Variants in AK4 observed in about 807,000 individuals in gnomAD.
The protein encoded by AK4 is adenylate kinase 4.
A neutral mutation model predicts 24.6 loss-of-function variants in AK4; 13 were observed. That is an observed-to-expected ratio of 0.53 (90% CI 0.34 to 0.84). The LOEUF (loss-of-function observed/expected upper bound fraction) is 0.84. Ranked by LOEUF, AK4 falls within the 40% of genes least tolerant of loss-of-function variation. The probability of loss-of-function intolerance (pLI) is 0.01; values close to 1 mark genes in which losing one functional copy is unlikely to be tolerated. For synonymous variants in AK4, 88 were observed against 107.0 expected (o/e 0.82, Z 1.10); for missense variants, 192 against 288.2 (o/e 0.67, Z 2.42).
At chr1:65,165,193 C>T (rs1650287556) in intron 1 of AK4, among the ~76,000 whole-genome samples, 1 of 152,096 alleles carries the variant, frequency 6.6e-6, no homozygotes, top group African/African-American at 2.4e-5. Context: ...TTATTAAGTT[C>T]ATTTAAAAAA....
intron 2 of AK4, among the ~76,000 whole-genome samples, chr1:65,210,259 C>G (rs1651930616): frequency 6.6e-6 from 1 of 152,188 alleles, no homozygotes; most frequent in South Asian, 2.1e-4. Context: ...CCCAGGGCCT[C>G]TGTGACCATT....
chr1:65,211,272 A>C (rs895059226), intron 2 of AK4, among the ~76,000 whole-genome samples: 1 of 152,246 alleles, frequency 6.6e-6, no homozygotes. Flanking sequence ...ATCTCCAAAG[A>C]GAAAAAGCAA....
intron 1 of AK4, among the ~76,000 whole-genome samples, chr1:65,188,504 A>C (rs1291611076): frequency 6.6e-6 from 1 of 152,018 alleles, no homozygotes; most frequent in Non-Finnish European, 1.5e-5. Flanking sequence ...TTTGAGATGG[A>C]GTCTTGCTCT....
intron 1 of AK4, among the ~76,000 whole-genome samples, chr1:65,155,215 C>T (rs1649939127): frequency 6.6e-6 from 1 of 151,926 alleles, no homozygotes; most frequent in Admixed American, 6.6e-5. Flanking sequence ...TTTATAGGTG[C>T]TACTTTATTT....
chr1:65,156,553 C>T (rs921382298), intron 1 of AK4, among the ~76,000 whole-genome samples: 9 of 151,910 alleles, frequency 5.9e-5, no homozygotes, highest in Non-Finnish European at 1.3e-4. Context: ...CTTTTTAACA[C>T]GTTTGAAAAT....
At chr1:65,222,452 A>C (rs1472617341) in intron 3 of AK4, among the ~76,000 whole-genome samples, 1 of 152,124 alleles carries the variant, frequency 6.6e-6, no homozygotes, top group Non-Finnish European at 1.5e-5. Context: ...CCATCTGCCT[A>C]AGTGATTTCT....
intron 1 of AK4, among the ~76,000 whole-genome samples, chr1:65,167,806 AT>A (rs570040716): frequency 1.3e-5 from 2 of 152,038 alleles, no homozygotes; most frequent in African/African-American, 4.8e-5. Flanking sequence ...TTGTTGGAAG[AT>A]TTTTTTTCCC....
chr1:65,196,789 G>C (rs1651485866), intron 2 of AK4, among the ~76,000 whole-genome samples: 2 of 151,956 alleles, frequency 1.3e-5, no homozygotes, highest in African/African-American at 4.8e-5. Context: ...TTTAAAAAAG[G>C]GTCACATATT....
At position 65,207,416 on chromosome 1, in the gene AK4, T is replaced by A. The variant is rs552598799; in HGVS notation, c.266-11338T>A. Among the ~76,000 whole-genome samples, 306 of 152,248 alleles carry A rather than the reference T, an allele frequency of 2.0e-3. 1 individual carries two copies. Among genetic ancestry groups the A allele is most frequent in the African/African-American group, 7.1e-3 (295 of 41,562 alleles). ...TTCAAATCTCTTAAACCCTGGGATC[T>A]ATAACTAGTGTCCCAGGAAGCTGCC... On this transcript the variant is annotated intron_variant, in intron 2 of 4. Coordinates refer to ENST00000327299, the MANE Select transcript of AK4 (RefSeq NM_013410.4).
Position 65,152,384 on chromosome 1 carries a change from A to ATTTTT in AK4, c.145+3864_145+3868dup, listed in dbSNP as rs552572978. Among the ~76,000 whole-genome samples, 7 of 16,464 alleles carry ATTTTT rather than the reference A, an allele frequency of 4.3e-4. 3 individuals carry two copies. Among genetic ancestry groups the ATTTTT allele is most frequent in the Non-Finnish European group, 8.7e-4 (7 of 8,004 alleles). The allele number at this position is 16,464 out of a possible 152,430, so 10.8% of individuals were successfully genotyped here. ...TCTATATATATATATATATATATAT[A>ATTTTT]TTTTTTTTTTTTTTTTTTTTTTTTT... On this transcript the variant is annotated intron_variant, in intron 1 of 4. Coordinates refer to ENST00000327299, the MANE Select transcript of AK4 (RefSeq NM_013410.4).
chr1:65,172,082 TATATATATATATATATATATA>T (rs1489025222), intron 1 of AK4, among the ~76,000 whole-genome samples: 10 of 109,286 alleles, frequency 9.2e-5, no homozygotes, highest in Admixed American at 1.2e-4. Context: ...TATATATATA[TATATATATATATATATATATA>T]TTTAAACTCA....
intron 1 of AK4, among the ~76,000 whole-genome samples, chr1:65,150,838 TTCC>T (rs1190332194): frequency 2.0e-5 from 3 of 152,194 alleles, no homozygotes; most frequent in Admixed American, 2.0e-4. Context: ...CTACATGGCT[TTCC>T]TCCTCCTGCA....
intron 2 of AK4, 82 bp downstream of exon 2, chr1:65,190,911 G>T: frequency 6.9e-7 from 1 of 1,445,460 alleles, no homozygotes; most frequent in Non-Finnish European, 9.2e-7. Context: ...CTTACCGAAT[G>T]GAAAATGCCT....
At chr1:65,182,551 C>T (rs369540167) in intron 1 of AK4, among the ~76,000 whole-genome samples, 1 of 148,708 alleles carries the variant, frequency 6.7e-6, no homozygotes, top group East Asian at 1.9e-4. Context: ...AAAAAAAAGA[C>T]CTCATTTGCC....
intron 2 of AK4, among the ~76,000 whole-genome samples, chr1:65,194,677 G>A (rs1651414430): frequency 6.6e-6 from 1 of 152,198 alleles, no homozygotes; most frequent in African/African-American, 2.4e-5. Context: ...GGCCAGGCTG[G>A]TCTTGAACTC....
intron 1 of AK4, among the ~76,000 whole-genome samples, chr1:65,164,426 T>C (rs1225733004): frequency 6.6e-6 from 1 of 152,200 alleles, no homozygotes; most frequent in African/African-American, 2.4e-5. Context: ...CCTCCCTCCC[T>C]ACCTTTCTCT....
At chr1:65,217,024 T>C (rs1652154028) in intron 2 of AK4, among the ~76,000 whole-genome samples, 1 of 152,302 alleles carries the variant, frequency 6.6e-6, no homozygotes, top group African/African-American at 2.4e-5. Context: ...TTTATTCCAA[T>C]TGCCATCTTG....
intron 1 of AK4, among the ~76,000 whole-genome samples, chr1:65,160,173 C>A (rs1448392574): frequency 2.0e-5 from 3 of 152,060 alleles, no homozygotes; most frequent in Admixed American, 1.3e-4. Flanking sequence ...CTTATAAATG[C>A]CATGTAGGGA....
chr1:65,205,585 A>G (rs1164402809), intron 2 of AK4, among the ~76,000 whole-genome samples: 1 of 152,154 alleles, frequency 6.6e-6, no homozygotes, highest in African/African-American at 2.4e-5. Context: ...TAGACTTTCT[A>G]AAGAGTTATT....
Sources: allele counts gnomAD v4.1 joint callset (sites outside exome capture counted in the v4.1 genomes callset), GRCh38; gene constraint gnomAD v4.1.1; transcripts MANE v1.5; gene names NCBI Gene and HGNC (gene_info 2026-07-23, HGNC 2026-07-21).